The following HDAC4 variants were observed in gnomAD, a reference collection of about 807,000 sequenced individuals.
HDAC4 encodes the protein histone deacetylase A.
A neutral mutation model predicts 135.1 loss-of-function variants in HDAC4; 16 were observed. That is an observed-to-expected ratio of 0.12 (90% confidence interval 0.08 to 0.18). The LOEUF (loss-of-function observed/expected upper bound fraction) is 0.18, where lower values mean the gene tolerates loss of function less well. Ranked by LOEUF, HDAC4 falls within the 10% of genes least tolerant of loss-of-function variation. The probability of loss-of-function intolerance (pLI) is 1.00; values close to 1 mark genes in which losing one functional copy is unlikely to be tolerated. For missense variants in HDAC4, 1,143 were observed against 1,511.8 expected (o/e 0.76, Z 4.05); for synonymous variants, 685 against 653.4 (o/e 1.05, Z -0.74).
intron 3 of HDAC4, among the ~76,000 whole-genome samples, chr2:239,199,023 A>G (rs1413583496): frequency 6.6e-6 from 1 of 152,200 alleles, no homozygotes; most frequent in East Asian, 1.9e-4. Context: ...ACACTTTTAA[A>G]TATTTTGTTC....
chr2:239,244,523 C>T (rs1241293191), intron 2 of HDAC4, among the ~76,000 whole-genome samples: 2 of 152,204 alleles, frequency 1.3e-5, no homozygotes, highest in African/African-American at 4.8e-5. Context: ...CCCCTCAGGC[C>T]TCTAACCTGT....
At chr2:239,219,735 C>G (rs890686372) in intron 3 of HDAC4, among the ~76,000 whole-genome samples, 1 of 152,150 alleles carries the variant, frequency 6.6e-6, no homozygotes, top group African/African-American at 2.4e-5. Context: ...AATGTGCAAT[C>G]GAGATATCGG....
At chr2:239,203,032 G>A (rs899937644) in intron 3 of HDAC4, among the ~76,000 whole-genome samples, 6 of 152,208 alleles carry the variant, frequency 3.9e-5, no homozygotes, top group East Asian at 1.9e-4. Flanking sequence ...CTGGGTGCTG[G>A]CAGCGCTGAG....
chr2:239,059,725 G>C (rs982629247), intron 24 of HDAC4, among the ~76,000 whole-genome samples: 12 of 152,152 alleles, frequency 7.9e-5, no homozygotes, highest in African/African-American at 2.7e-4. Flanking sequence ...AGATTATCCT[G>C]ATCCTACCTC....
intron 2 of HDAC4, among the ~76,000 whole-genome samples, chr2:239,267,696 C>T (rs946874781): frequency 2.0e-5 from 3 of 152,278 alleles, no homozygotes; most frequent in Admixed American, 6.5e-5. Flanking sequence ...CCCTTCTACA[C>T]GGCAATGGGG....
intron 2 of HDAC4, among the ~76,000 whole-genome samples, chr2:239,290,020 A>C (rs966465058): frequency 2.0e-5 from 3 of 152,200 alleles, no homozygotes; most frequent in African/African-American, 7.2e-5. Flanking sequence ...CAACTACAGA[A>C]AAGATCTTAT....
intron 2 of HDAC4, among the ~76,000 whole-genome samples, chr2:239,339,108 A>C (rs2125856479): frequency 6.6e-6 from 1 of 152,354 alleles, no homozygotes; most frequent in East Asian, 1.9e-4. Flanking sequence ...AATTTTAACC[A>C]ATGTCTCTGA....
intron 24 of HDAC4, among the ~76,000 whole-genome samples, chr2:239,062,077 C>T (rs528893969): frequency 3.6e-4 from 55 of 151,844 alleles, no homozygotes; most frequent in South Asian, 3.6e-3. Context: ...CACGACTCCA[C>T]GGCCCATCTA....
rs2041744524 is a variant in HDAC4 at position 239,146,115 on chromosome 2, G to A, written c.734-1401C>T. ...TTCAGCCACAAGCCGGCCTCTCCAC[G>A]GGCTACTGACGAGGGCACACTTCTG... On this transcript the variant is annotated intron_variant, in intron 7 of 26. Transcript: ENST00000543185. The surrounding 1 kb of genome is among the most constrained non-coding windows in gnomAD (Gnocchi z 4.5). Among the ~76,000 whole-genome samples, 3 of 152,142 alleles carry A rather than the reference G, an allele frequency of 2.0e-5. No individual in the cohort carries two copies. The highest frequency in any genetic ancestry group is 4.4e-5 in the Non-Finnish European group (3 of 68,034).
chr2:239,377,254 C>T (rs569289213), intron 1 of HDAC4, among the ~76,000 whole-genome samples: 15 of 152,286 alleles, frequency 9.8e-5, no homozygotes, highest in Middle Eastern at 3.4e-3. Context: ...CCACAGGTTA[C>T]GAGGCCGTCC....
Position 239,231,276 on chromosome 2 carries a change from G to A in HDAC4, c.94+5317C>T, listed in dbSNP as rs141799588. The stretch of plus-strand genomic sequence containing the variant: ...GTGCTTCTCTTTAGTCCAGCATCCC[G>A]GTCTTAACATCGGCCTCTACTTCCC... On this transcript the variant is annotated intron_variant, in intron 3 of 26. Coordinates refer to ENST00000543185, the MANE Select transcript of HDAC4 (RefSeq NM_001378414.1). Among the ~76,000 whole-genome samples, 370 of 152,296 alleles carry A rather than the reference G, an allele frequency of 2.4e-3. 1 individual carries two copies. Among genetic ancestry groups the A allele is most frequent in the African/African-American group, 7.9e-3 (327 of 41,564 alleles).
Position 239,053,066 on chromosome 2 carries a change from C to T in HDAC4, c.*31G>A, listed in dbSNP as rs1203547517. ...GGCTGAGCTTCAAGACAGAGACAGA[C>T]AGACAAGAGAACAGCAGCTTCGAGG... On this transcript the variant is annotated 3_prime_UTR_variant, in exon 27 of 27. Coordinates refer to ENST00000543185, the MANE Select transcript of HDAC4 (RefSeq NM_001378414.1). 1 of 1,613,528 alleles carries T rather than the reference C, an allele frequency of 6.2e-7. No homozygotes were observed. The highest frequency in any genetic ancestry group is 8.5e-7 in the Non-Finnish European group (1 of 1,179,534).
At chr2:239,333,639 G>A (rs1201876903) in intron 2 of HDAC4, among the ~76,000 whole-genome samples, 1 of 151,934 alleles carries the variant, frequency 6.6e-6, no homozygotes, top group Non-Finnish European at 1.5e-5. Context: ...AAGAAAAAAA[G>A]CATAAGACTA....
chr2:239,400,369 G>C lies in HDAC4; in HGVS notation c.-220+609C>G, dbSNP rs1308983735. The C allele has an allele frequency of 2.0e-5, 3 of 147,988 alleles. No individual in the cohort carries two copies. The highest frequency in any genetic ancestry group is 2.0e-4 in the Admixed American group (3 of 14,910). 9.2% of individuals were successfully genotyped at this position (147,988 alleles called of 1,614,324 possible). Reference sequence around the variant, plus strand: ...CCCCGCCCTCACTCCCGGCGGCCCGGAGCCCACCTGCTCGGGGGGCGCGGG... The same window carrying C: ...CCCCGCCCTCACTCCCGGCGGCCCGCAGCCCACCTGCTCGGGGGGCGCGGG... On this transcript the variant is annotated intron_variant, in intron 1 of 26. Transcript: ENST00000543185. The surrounding 1 kb of genome is among the most constrained non-coding windows in gnomAD (Gnocchi z 4.7).
intron 3 of HDAC4, among the ~76,000 whole-genome samples, chr2:239,223,850 T>C (rs1411555909): frequency 1.3e-5 from 2 of 150,708 alleles, no homozygotes; most frequent in South Asian, 2.1e-4. Flanking sequence ...TAAGCAAACA[T>C]TGTTTAAAAA....
chr2:239,266,889 G>T (rs992988056), intron 2 of HDAC4, among the ~76,000 whole-genome samples: 3 of 152,122 alleles, frequency 2.0e-5, no homozygotes, highest in African/African-American at 4.8e-5. Flanking sequence ...TTCCCCAGGG[G>T]ACACCAGGTC....
chr2:239,348,040 C>T lies in HDAC4; in HGVS notation c.22+4638G>A, dbSNP rs563474505. The stretch of plus-strand genomic sequence containing the variant: ...CAGACACGTCCCAGCAAATCCACTG[C>T]TTCCTATCGAGAGCATCATCCCGGT... On this transcript the variant is annotated intron_variant, in intron 2 of 26. Transcript: ENST00000543185. Among the ~76,000 whole-genome samples, 18 of 146,262 alleles carry T rather than the reference C, an allele frequency of 1.2e-4. 1 individual carries two copies. Among genetic ancestry groups the T allele is most frequent in the Non-Finnish European group, 2.1e-4 (14 of 66,944 alleles).
chr2:239,188,528 G>T (rs1168264872), intron 4 of HDAC4, among the ~76,000 whole-genome samples: 1 of 152,224 alleles, frequency 6.6e-6, no homozygotes, highest in Non-Finnish European at 1.5e-5. Flanking sequence ...TGGACCACGT[G>T]AGCATCTCAG....
At chr2:239,188,034 A>G (rs2044667791) in intron 4 of HDAC4, among the ~76,000 whole-genome samples, 1 of 152,258 alleles carries the variant, frequency 6.6e-6, no homozygotes, top group African/African-American at 2.4e-5. Context: ...CAACGGTGCC[A>G]AGTCCAAAGA....
Sources: gnomAD v4.1 joint callset for allele counts (sites outside exome capture counted in the v4.1 genomes callset) on GRCh38, gnomAD v4.1.1 for gene constraint, Gnocchi (gnomAD v3.1) non-coding constraint, MANE v1.5 for transcripts, NCBI Gene and HGNC (gene_info 2026-07-23, HGNC 2026-07-21) for gene names.